Variants in SACM1L observed in about 807,000 individuals in gnomAD.
SACM1L encodes the protein phosphatidylinositol-3-phosphatase SAC1.
In SACM1L, 32 loss-of-function variants were observed where a neutral mutation model predicts 89.5. The ratio of observed to expected loss-of-function variants is 0.36; its 90% CI spans 0.27 to 0.48. The LOEUF is 0.48. SACM1L is among the 20% of genes least tolerant of loss of function. The probability of loss-of-function intolerance (pLI) is 0.99; values close to 1 mark genes in which losing one functional copy is unlikely to be tolerated. For missense variants in SACM1L, 543 were observed against 708.5 expected, an observed-to-expected ratio of 0.77 and a Z score of 2.65; for synonymous variants, 213 against 232.8, an observed-to-expected ratio of 0.92 and a Z score of 0.77.
intron 1 of SACM1L, among the ~76,000 whole-genome samples, chr3:45,700,696 C>T (rs1170002717): frequency 6.6e-6 from 1 of 152,190 alleles, no homozygotes; most frequent in African/African-American, 2.4e-5. Context: ...GAGTCTCACT[C>T]TGTTGCCCAG....
In SACM1L at chr3:45,732,088, A is replaced by G; in HGVS notation, c.1037A>G (p.Asn346Ser). ...IAFDFHKECK[N>S]MRWDRLSILL... ...TTTGACTTCCATAAGGAATGTAAAA[A>G]TATGAGATGGGATCGACTAAGTATT... is the stretch of plus-strand genomic sequence containing the variant. Residue 346 changes from asparagine to serine, a missense_variant, in exon 13 of 20, where the codon AAT becomes AGT. Asn to Ser is a conservative substitution (Grantham distance 46). Transcript: ENST00000389061. 1 of 1,603,614 alleles carries G rather than the reference A, an allele frequency of 6.2e-7. No individual in the cohort carries two copies. The highest frequency in any genetic ancestry group is 8.5e-7 in the Non-Finnish European group (1 of 1,176,670).
intron 1 of SACM1L, among the ~76,000 whole-genome samples, chr3:45,697,666 A>T (rs1698163794): frequency 6.6e-6 from 1 of 152,236 alleles, no homozygotes; most frequent in African/African-American, 2.4e-5. Context: ...AGCAATTATT[A>T]TACAAGTATT....
chr3:45,722,983 G>A, intron 10 of SACM1L, 28 bp downstream of exon 10: 1 of 1,533,738 alleles, frequency 6.5e-7, no homozygotes, highest in Non-Finnish European at 9.0e-7. Flanking sequence ...CTTTTTTGTT[G>A]GTTAAAAATA....
chr3:45,722,011 GA>G lies in SACM1L; in HGVS notation c.693del (p.Gly232AlafsTer7). Reference sequence around the variant, plus strand: ...TTTTTTCTATTTAGGAATTGATTCGGAAGGCCATGCAGCTAACTTTGTAGAA... The same window carrying G: ...TTTTTTCTATTTAGGAATTGATTCGGAGGCCATGCAGCTAACTTTGTAGAA... Reference protein sequence around the residue: ...VRYYVRGIDSEGHAANFVETE... With the variant: ...VRYYVRGIDSXGHAANFVETE... On this transcript the variant is annotated frameshift_variant, in exon 9 of 20. Coordinates refer to ENST00000389061, the MANE Select transcript of SACM1L (RefSeq NM_014016.5). LOFTEE classifies it high-confidence loss of function. 6.2e-7 allele frequency: 1 copy of G among 1,610,480 alleles called. No individual in the cohort carries two copies. The highest frequency in any genetic ancestry group is 8.5e-7 in the Non-Finnish European group (1 of 1,177,668).
intron 3 of SACM1L, among the ~76,000 whole-genome samples, chr3:45,706,538 T>C (rs931203798): frequency 1.3e-5 from 2 of 152,166 alleles, no homozygotes; most frequent in Non-Finnish European, 2.9e-5. Flanking sequence ...CCTTTGGTTA[T>C]GAAAAGCTTT....
intron 1 of SACM1L, among the ~76,000 whole-genome samples, chr3:45,698,587 G>A (rs995068386): frequency 4.6e-5 from 7 of 152,034 alleles, no homozygotes; most frequent in African/African-American, 1.7e-4. Context: ...TCTCGCTCTT[G>A]TGCCCCAGGC....
At chr3:45,695,697 C>T (rs540879775) in intron 1 of SACM1L, among the ~76,000 whole-genome samples, 2 of 152,282 alleles carry the variant, frequency 1.3e-5, no homozygotes, top group East Asian at 3.9e-4. Flanking sequence ...TTTACCATCT[C>T]AACCATTTTT....
chr3:45,709,302 GTTTA>G (rs1463746578), intron 4 of SACM1L, among the ~76,000 whole-genome samples, 192 bp from the exon 5 acceptor site: 1 of 152,168 alleles, frequency 6.6e-6, no homozygotes, highest in Non-Finnish European at 1.5e-5. Flanking sequence ...ACCCTACAGT[GTTTA>G]TTGAGTATCT....
intron 4 of SACM1L, 145 bp from the exon 5 acceptor site, chr3:45,709,353 T>C: frequency 1.6e-6 from 1 of 637,324 alleles, no homozygotes; most frequent in South Asian, 2.1e-5. Context: ...CCCAGGGAAA[T>C]GGCGAGCATC....
chr3:45,727,826 ACCTCGTGATCTGCCCG>A (rs1019667749), intron 11 of SACM1L, among the ~76,000 whole-genome samples: 2 of 151,936 alleles, frequency 1.3e-5, no homozygotes, highest in African/African-American at 4.8e-5. Context: ...CAATCTCCTG[ACCTCGTGATCTGCCCG>A]CCTCGGCCTT....
intron 11 of SACM1L, among the ~76,000 whole-genome samples, chr3:45,726,381 T>C (rs1419969593): frequency 6.6e-6 from 1 of 152,058 alleles, no homozygotes; most frequent in African/African-American, 2.4e-5. Context: ...TTTTCATTAC[T>C]GATTCAATCT....
intron 1 of SACM1L, 65 bp downstream of exon 1, chr3:45,689,562 C>G: frequency 6.6e-7 from 1 of 1,515,530 alleles, no homozygotes; most frequent in Non-Finnish European, 8.9e-7. Flanking sequence ...GCCCTGGCCT[C>G]GGGGAGGGCT....
chr3:45,718,067 T>G (rs1049839479), intron 7 of SACM1L, among the ~76,000 whole-genome samples: 2 of 152,254 alleles, frequency 1.3e-5, no homozygotes, highest in Admixed American at 6.5e-5. Flanking sequence ...TACTGCTCCT[T>G]AGAGCCATTT....
At chr3:45,697,269 C>CTTTTTTTTTTTTTTTT (rs869095037) in intron 1 of SACM1L, among the ~76,000 whole-genome samples, 4 of 92,086 alleles carry the variant, frequency 4.3e-5, no homozygotes, top group African/African-American at 8.7e-5. Flanking sequence ...TTTTCTTTTC[C>CTTTTTTTTTTTTTTTT]TTTTTTTTTT....
chr3:45,735,634 C>G (rs937576324), intron 14 of SACM1L, among the ~76,000 whole-genome samples: 2 of 152,072 alleles, frequency 1.3e-5, no homozygotes, highest in Admixed American at 6.5e-5. Flanking sequence ...ATTTACTAAG[C>G]CATTCAGATT....
chr3:45,708,244 G>A (rs1698444118), intron 4 of SACM1L, among the ~76,000 whole-genome samples: 1 of 152,068 alleles, frequency 6.6e-6, no homozygotes, highest in Non-Finnish European at 1.5e-5. Flanking sequence ...ATTTAAACAG[G>A]ATCTGTTTTT....
chr3:45,730,698 T>C (rs1384997851), intron 11 of SACM1L: 4 of 152,342 alleles, frequency 2.6e-5, no homozygotes, highest in African/African-American at 7.2e-5. Flanking sequence ...CTCCTTCATA[T>C]ACATGGCTGC....
chr3:45,696,980 A>G (rs1039294385), intron 1 of SACM1L, among the ~76,000 whole-genome samples: 2 of 152,206 alleles, frequency 1.3e-5, no homozygotes, highest in African/African-American at 2.4e-5. Flanking sequence ...ATGCATTTGT[A>G]TTAAGTGTAA....
intron 4 of SACM1L, 43 bp downstream of exon 4, chr3:45,706,950 T>TC: frequency 6.3e-7 from 1 of 1,593,958 alleles, no homozygotes; most frequent in Non-Finnish European, 8.6e-7. Flanking sequence ...CCCAAAGAAG[T>TC]AGCATGGGCT....
Sources: allele counts gnomAD v4.1 joint callset (sites outside exome capture counted in the v4.1 genomes callset), GRCh38; gene constraint gnomAD v4.1.1; transcripts MANE v1.5; gene names NCBI Gene and HGNC (gene_info 2026-07-23, HGNC 2026-07-21).